The following COL6A3 variants were observed in gnomAD, a reference collection of about 807,000 sequenced individuals.
COL6A3 encodes the protein collagen alpha-3(VI) chain.
COL6A3 carries 137 observed loss-of-function variants against 274.1 expected under a neutral mutation model. That is an observed-to-expected ratio of 0.50 (90% CI 0.44 to 0.58). The LOEUF is 0.58. Among genes scored for constraint, COL6A3 ranks in the 20% least tolerant of loss-of-function variants. The probability of loss-of-function intolerance (pLI) is 0.00; values close to 1 mark genes in which losing one functional copy is unlikely to be tolerated. For synonymous variants in COL6A3, 1,650 were observed against 1,650.6 expected (o/e 1.00, Z 0.01); for missense variants, 3,950 against 4,124.9 (o/e 0.96, Z 1.16).
chr2:237,333,376 C>T, intron 42 of COL6A3, 74 bp downstream of exon 42: 1 of 1,417,024 alleles, frequency 7.1e-7, no homozygotes, highest in Non-Finnish European at 9.9e-7. Context: ...GACTTAGAAC[C>T]CAGGAAGTTA....
chr2:237,365,834 A>G lies in COL6A3; in HGVS notation c.5702T>C (p.Phe1901Ser), dbSNP rs1325587966. The G allele has an allele frequency of 6.2e-7, 1 of 1,614,082 alleles. No homozygotes were observed. Among genetic ancestry groups the G allele is most frequent in the East Asian group, 2.2e-5 (1 of 44,894 alleles). ...CTCTGGCTGGTACTCGTCAAAGTCAAAGGCCTCCACCGGGCCCGAGGGCGT... is the reference window on the plus strand; with the variant it reads ...CTCTGGCTGGTACTCGTCAAAGTCAGAGGCCTCCACCGGGCCCGAGGGCGT... ...ANTPSGPVEA[F>S]DFDEYQPEML... Residue 1901 changes from phenylalanine (F) to serine (S), a missense_variant, in exon 12 of 44, where the codon TTT (phenylalanine) becomes TCT (serine). By Grantham distance (155) the Phe-to-Ser change is radical. Coordinates refer to ENST00000295550, the MANE Select transcript of COL6A3 (RefSeq NM_004369.4).
At chr2:237,324,924 G>T in intron 43 of COL6A3, 110 bp from the exon 44 acceptor site, 1 of 1,105,718 alleles carries the variant, frequency 9.0e-7, no homozygotes, top group East Asian at 2.4e-5. Flanking sequence ...ACACAGTCCC[G>T]CAGCCTCTGG....
chr2:237,390,634 A>C (rs1219745690), intron 3 of COL6A3, among the ~76,000 whole-genome samples: 2 of 152,230 alleles, frequency 1.3e-5, no homozygotes, highest in African/African-American at 4.8e-5. Context: ...GAAAATTCAC[A>C]GTTTCCTTTG....
intron 32 of COL6A3, among the ~76,000 whole-genome samples, chr2:237,345,678 C>T (rs547946102): frequency 4.1e-4 from 63 of 152,290 alleles, no homozygotes; most frequent in Middle Eastern, 3.4e-3. Flanking sequence ...CCCTCAGTGT[C>T]CCATGCCTAA....
Position 237,367,269 on chromosome 2 carries a change from T to C in COL6A3, c.4918A>G (p.Ile1640Val). 1.9e-6 allele frequency: 3 copies of C among 1,613,578 alleles called. No homozygotes were observed. Among genetic ancestry groups the C allele is most frequent in the Non-Finnish European group, 2.5e-6 (3 of 1,179,728 alleles). Residue 1640 changes from isoleucine (I) to valine (V), a missense_variant, in exon 11 of 44, where the codon ATT becomes GTT. Around this residue, in one of 5 missense-constraint regions of COL6A3, gnomAD observed 632 missense variants for 623.4 expected, o/e 1.01. Transcript: ENST00000295550. ...ATGGAACCATCCAACAGGAACACAATGTCTGCTTTCTTCTTCTCTAGAAGT... is the reference window on the plus strand; with the variant it reads ...ATGGAACCATCCAACAGGAACACAACGTCTGCTTTCTTCTTCTCTAGAAGT... ...PSRPEKKKAD[I>V]VFLLDGSINF...
chr2:237,394,394 G>T (rs1470748120), intron 3 of COL6A3, among the ~76,000 whole-genome samples, 193 bp downstream of exon 3: 1 of 152,218 alleles, frequency 6.6e-6, no homozygotes, highest in Non-Finnish European at 1.5e-5. Context: ...CTTCTTGTAT[G>T]TAGGTGAATG....
intron 3 of COL6A3, among the ~76,000 whole-genome samples, chr2:237,391,636 G>A (rs774147326): frequency 1.3e-5 from 2 of 152,016 alleles, no homozygotes; most frequent in African/African-American, 2.4e-5. Context: ...GGATTCAAGC[G>A]ATTCTCCTGC....
intron 42 of COL6A3, 86 bp from the exon 43 acceptor site, chr2:237,325,810 C>G: frequency 8.5e-7 from 1 of 1,178,904 alleles, no homozygotes; most frequent in Non-Finnish European, 1.2e-6. Context: ...TCTGATGACC[C>G]TACTGTGGCA....
At position 237,361,238 on chromosome 2, in the gene COL6A3, C is replaced by A; in HGVS notation, c.6157-64G>T. On this transcript the variant is annotated intron_variant, in intron 15 of 43. Transcript: ENST00000295550. This position sits in a 1 kb window ranked among gnomAD's most constrained non-coding sequence, Gnocchi z 5.1. ...GTCTTCTTTGCTCTACAGTAAGAAT[C>A]CCTGTGGTCCCCCTTCATTTGGCAG... 7.0e-7 allele frequency: 1 copy of A among 1,433,686 alleles called. No homozygotes were observed. The highest frequency in any genetic ancestry group is 1.1e-5 in the South Asian group (1 of 87,022). 88.8% of individuals were successfully genotyped at this position (1,433,686 alleles called of 1,614,324 possible). A position where few individuals can be genotyped will look rare whatever the true frequency, so the allele number is the denominator to read the frequency against.
Position 237,374,827 on chromosome 2 carries a change from C to T in COL6A3, c.3264G>A (p.Lys1088=). The T allele has an allele frequency of 6.2e-7, 1 of 1,614,034 alleles. No homozygotes were observed. Among genetic ancestry groups the T allele is most frequent in the Non-Finnish European group, 8.5e-7 (1 of 1,180,012 alleles). ...PEFYLNSYMN[K]QDVVNAVRQL... ...GGCGGACAGCGTTGACGACGTCCTG[C>T]TTGTTCATGTATGAATTCAGGTAGA... The change falls in exon 8 of 44, where the codon AAG becomes AAA. Residue 1088 remains lysine, a synonymous_variant. Transcript: ENST00000295550. The surrounding 1 kb of genome is among the most constrained non-coding windows in gnomAD (Gnocchi z 4.8).
chr2:237,349,771 A>T (rs970151440), intron 28 of COL6A3, among the ~76,000 whole-genome samples: 5 of 152,238 alleles, frequency 3.3e-5, no homozygotes, highest in African/African-American at 1.2e-4. Flanking sequence ...AGACCTAATC[A>T]AATCCAATTC....
rs202091342 is a variant in COL6A3 at position 237,361,837 on chromosome 2, G to C, written c.6064-6C>G. The C allele has an allele frequency of 3.7e-6, 6 of 1,612,384 alleles. No homozygotes were observed. Among genetic ancestry groups the C allele is most frequent in the Non-Finnish European group, 5.1e-6 (6 of 1,178,512 alleles). ...GCTTTCTCGGCAATGTTGTCCTACC[G>C]AAAGGAAGAGAAACCAAATGTTCAG... On this transcript the variant is annotated splice_polypyrimidine_tract_variant and splice_region_variant and intron_variant, in intron 14 of 43. Coordinates refer to ENST00000295550, the MANE Select transcript of COL6A3 (RefSeq NM_004369.4). The surrounding 1 kb of genome is among the most constrained non-coding windows in gnomAD (Gnocchi z 5.1).
chr2:237,396,503 G>A (rs889066112), intron 2 of COL6A3, among the ~76,000 whole-genome samples: 1 of 152,142 alleles, frequency 6.6e-6, no homozygotes, highest in Non-Finnish European at 1.5e-5. Context: ...CCAATTCCAA[G>A]ATACCAAACC....
rs1259890349 is a variant in COL6A3, at chr2:237,364,670, AT to A, written c.5839-243del. On this transcript the variant is annotated intron_variant, in intron 12 of 43. Coordinates refer to ENST00000295550, the MANE Select transcript of COL6A3 (RefSeq NM_004369.4). The surrounding 1 kb of genome is among the most constrained non-coding windows in gnomAD (Gnocchi z 4.6). ...ACAAGCAGCAATGACAATAAAAACA[AT>A]TTTTATCTCATTCTCATATTTCTAA... Among the ~76,000 whole-genome samples the A allele has an allele frequency of 6.6e-6, 1 of 152,124 alleles. No individual in the cohort carries two copies. Among genetic ancestry groups the A allele is most frequent in the Non-Finnish European group, 1.5e-5 (1 of 68,022 alleles).
intron 8 of COL6A3, among the ~76,000 whole-genome samples, chr2:237,373,925 A>G (rs771682105): frequency 1.2e-4 from 19 of 152,208 alleles, no homozygotes; most frequent in Non-Finnish European, 2.6e-4. Context: ...AGCACCAAGC[A>G]AAGTCAAAAT....
intron 27 of COL6A3, among the ~76,000 whole-genome samples, chr2:237,350,695 C>T (rs2077187507): frequency 6.6e-6 from 1 of 152,180 alleles, no homozygotes; most frequent in Admixed American, 6.5e-5. Context: ...GGTCGGGGCT[C>T]TTGGATGATC....
In COL6A3 at chr2:237,395,475, C is replaced by G. The variant is rs542659690; in HGVS notation, c.92-271G>C. On this transcript the variant is annotated intron_variant, in intron 2 of 43. Transcript: ENST00000295550. ...AGTAGCATGCTCCAGATTGGGGAAA[C>G]AATTTCCTGGGCTGTCTTTAACTCA... 2.8e-4 allele frequency among the ~76,000 whole-genome samples: 42 copies of G among 152,266 alleles called. No individual in the cohort carries two copies. In the South Asian group the frequency reaches 8.3e-3, roughly 30 times the overall value.
In COL6A3 at chr2:237,350,165, C is replaced by T. The variant is rs551512561; in HGVS notation, c.6861G>A (p.Arg2287=). The T allele has an allele frequency of 3.0e-5, 48 of 1,614,152 alleles. 1 individual carries two copies. In the African/African-American group the frequency reaches 3.5e-4, roughly 12 times the overall value. ...ACCTTACCGTCTCCCCACGAGGGCC[C>T]CGGTTCCCGATTCCTCCTTTTGGTC... ...EPGPKGGIGN[R]GPRGETGDDG... is the part of the protein sequence containing the mutation. The change falls in exon 28 of 44, where the codon CGG becomes CGA. Residue 2287 remains arginine, a synonymous_variant. Transcript: ENST00000295550.
intron 31 of COL6A3, among the ~76,000 whole-genome samples, chr2:237,347,567 C>A (rs531216545): frequency 6.6e-6 from 1 of 152,146 alleles, no homozygotes; most frequent in Non-Finnish European, 1.5e-5. Context: ...GTGAGCTGGG[C>A]TGGCGACCCT....
Sources: gnomAD v4.1 joint callset for allele counts (sites outside exome capture counted in the v4.1 genomes callset) on GRCh38, gnomAD v4.1.1 for gene constraint, gnomAD v4.1.1 regional missense constraint, Gnocchi (gnomAD v3.1) non-coding constraint, MANE v1.5 for transcripts, NCBI Gene and HGNC (gene_info 2026-07-23, HGNC 2026-07-21) for gene names.